The following NBAS variants were observed in gnomAD, a reference collection of about 807,000 sequenced individuals.
The protein encoded by NBAS is NBAS subunit of NRZ tethering complex.
Under a neutral mutation model 302.5 loss-of-function variants are expected in NBAS, and 219 were observed. That is an observed-to-expected ratio of 0.72 (90% CI 0.65 to 0.81). NBAS has a LOEUF of 0.81. Ranked by LOEUF, NBAS falls within the 30% of genes least tolerant of loss-of-function variation. NBAS has a pLI of 0.00. For missense variants in NBAS, 2,932 were observed against 2,841.6 expected, an observed-to-expected ratio of 1.03 and a Z score of -0.72; for synonymous variants, 1,118 against 1,021.6, an observed-to-expected ratio of 1.09 and a Z score of -1.80.
At chr2:15,441,188 C>T (rs1343089359) in intron 21 of NBAS, among the ~76,000 whole-genome samples, 1 of 152,072 alleles carries the variant, frequency 6.6e-6, no homozygotes, top group Non-Finnish European at 1.5e-5. Flanking sequence ...AAGAGCAACT[C>T]CAAGACACAT....
At chr2:15,458,672 A>G (rs896079315) in intron 21 of NBAS, among the ~76,000 whole-genome samples, 2 of 152,172 alleles carry the variant, frequency 1.3e-5, no homozygotes, top group Admixed American at 6.5e-5. Flanking sequence ...TTTTCTCTTT[A>G]TAAATTACCC....
At chr2:15,351,968 C>T (rs1363511701) in intron 35 of NBAS, 24 bp downstream of exon 35, 113 of 1,562,762 alleles carry the variant, frequency 7.2e-5, no homozygotes, top group Non-Finnish European at 9.9e-5. Context: ...ACCTTTCAAA[C>T]TCCGCTCCCT....
chr2:15,324,612 C>G lies in NBAS; in HGVS notation c.4582+3138G>C, dbSNP rs567729983. On this transcript the variant is annotated intron_variant, in intron 38 of 51. Coordinates refer to ENST00000281513, the MANE Select transcript of NBAS (RefSeq NM_015909.4). The stretch of plus-strand genomic sequence containing the variant: ...CCTCTGGGTTTGCCTATCATAGCGC[C>G]TGTCACTCACAAATCTGTCTCCCCA... 4.0e-4 allele frequency among the ~76,000 whole-genome samples: 61 copies of G among 152,276 alleles called. No individual in the cohort carries two copies. In the South Asian group the frequency reaches 0.012, roughly 30 times the overall value.
intron 30 of NBAS, among the ~76,000 whole-genome samples, chr2:15,375,650 T>A (rs1454878945): frequency 1.3e-5 from 2 of 152,196 alleles, no homozygotes; most frequent in African/African-American, 2.4e-5. Context: ...CTTTTTTACA[T>A]TTTTTACTCT....
At chr2:15,473,477 C>G in intron 15 of NBAS, 130 bp from the exon 16 acceptor site, 1 of 1,173,052 alleles carries the variant, frequency 8.5e-7, no homozygotes, top group Non-Finnish European at 1.2e-6. Context: ...TGCACTGTGG[C>G]ACCAGAAGCT....
chr2:15,305,449 G>GTTTTTT (rs35136896), intron 40 of NBAS, among the ~76,000 whole-genome samples: 1 of 123,804 alleles, frequency 8.1e-6, no homozygotes, highest in Admixed American at 8.4e-5. Flanking sequence ...GTCTCGAGCA[G>GTTTTTT]TTTTTTTTTT....
chr2:15,545,399 C>T (rs1480686989), intron 6 of NBAS, among the ~76,000 whole-genome samples: 1 of 151,924 alleles, frequency 6.6e-6, no homozygotes, highest in African/African-American at 2.4e-5. Flanking sequence ...AGAATATTAA[C>T]AAATGGACAA....
intron 32 of NBAS, among the ~76,000 whole-genome samples, chr2:15,365,723 A>G (rs1005343944): frequency 6.6e-6 from 1 of 152,162 alleles, no homozygotes; most frequent in Non-Finnish European, 1.5e-5. Flanking sequence ...AAAACTAGAG[A>G]CCTTAAGACT....
At chr2:15,460,654 T>C (rs1679464789) in intron 21 of NBAS, among the ~76,000 whole-genome samples, 1 of 152,184 alleles carries the variant, frequency 6.6e-6, no homozygotes, top group Non-Finnish European at 1.5e-5. Flanking sequence ...ACTCAATGGT[T>C]CCAACATAGG....
At chr2:15,017,862 G>A in the NBAS span, among the ~76,000 whole-genome samples, 1 of 151,986 alleles carries the variant, frequency 6.6e-6, no homozygotes, top group Admixed American at 6.6e-5. Flanking sequence ...TTTTATGGCA[G>A]CACTATTCAT....
the NBAS span, among the ~76,000 whole-genome samples, chr2:15,080,120 T>C: frequency 2.2e-4 from 33 of 152,264 alleles, no homozygotes; most frequent in African/African-American, 7.2e-4. Flanking sequence ...AGTCCCATCA[T>C]ACCATGAACA....
the NBAS span, among the ~76,000 whole-genome samples, chr2:15,018,253 A>G: frequency 1.3e-5 from 2 of 152,024 alleles, no homozygotes; most frequent in African/African-American, 4.8e-5. Flanking sequence ...ATAGTTAATA[A>G]CAATATATTA....
chr2:15,016,393 A>G, the NBAS span, among the ~76,000 whole-genome samples: 1 of 152,170 alleles, frequency 6.6e-6, no homozygotes, highest in African/African-American at 2.4e-5. Context: ...GACAAACTAT[A>G]TCATCTTGTA....
At chr2:15,510,868 G>A (rs1572949220) in intron 10 of NBAS, among the ~76,000 whole-genome samples, 1 of 152,166 alleles carries the variant, frequency 6.6e-6, no homozygotes, top group South Asian at 2.1e-4. Context: ...AGAATTAAAT[G>A]AGTTAGAGCA....
intron 26 of NBAS, among the ~76,000 whole-genome samples, chr2:15,397,218 TA>T (rs1189025062): frequency 6.6e-6 from 1 of 152,206 alleles, no homozygotes; most frequent in African/African-American, 2.4e-5. Flanking sequence ...ATAACTGCTA[TA>T]AAAGTCCTCT....
At chr2:15,470,623 A>G (rs1679917551) in intron 16 of NBAS, among the ~76,000 whole-genome samples, 2 of 152,194 alleles carry the variant, frequency 1.3e-5, no homozygotes, top group Non-Finnish European at 2.9e-5. Context: ...CTTCTCATTC[A>G]AGAAGGCCTA....
chr2:15,382,780 T>A (rs1197088294), intron 29 of NBAS, among the ~76,000 whole-genome samples: 1 of 152,122 alleles, frequency 6.6e-6, no homozygotes, highest in Non-Finnish European at 1.5e-5. Flanking sequence ...TTAGAAGGGG[T>A]GTGTCATGAA....
the NBAS span, chr2:14,886,628 T>G: frequency 6.6e-6 from 1 of 152,242 alleles, no homozygotes; most frequent in Non-Finnish European, 1.5e-5. Flanking sequence ...CAAAACAACT[T>G]GAGGCAATAG....
the NBAS span, among the ~76,000 whole-genome samples, chr2:15,087,994 G>A: frequency 6.6e-6 from 1 of 152,226 alleles, no homozygotes; most frequent in African/African-American, 2.4e-5. Context: ...AACAATGAGT[G>A]AGCCAGTGCA....
Sources: allele counts gnomAD v4.1 joint callset (sites outside exome capture counted in the v4.1 genomes callset), GRCh38; gene constraint gnomAD v4.1.1; transcripts MANE v1.5; gene names NCBI Gene and HGNC (gene_info 2026-07-23, HGNC 2026-07-21).